Variants in TAF5L observed in about 807,000 individuals in gnomAD.
The protein encoded by TAF5L is TATA-box binding protein associated factor 5 like, also known as TAF5-like RNA polymerase II p300/CBP-associated factor-associated factor 65 kDa subunit 5L.
A neutral mutation model predicts 51.3 loss-of-function variants in TAF5L; 7 were observed. The observed-to-expected ratio is 0.14, with a 90% CI of 0.08 to 0.26. The LOEUF (loss-of-function observed/expected upper bound fraction) is 0.26, where lower values mean the gene tolerates loss of function less well. Among genes scored for constraint, TAF5L ranks in the 10% least tolerant of loss-of-function variants. The pLI, the probability that TAF5L is intolerant of heterozygous loss-of-function variation, is 1.00. For synonymous variants in TAF5L, 291 were observed against 308.1 expected, an observed-to-expected ratio of 0.94 and a Z score of 0.58; for missense variants, 575 against 758.9, an observed-to-expected ratio of 0.76 and a Z score of 2.85.
chr1:229,621,689 A>T (rs1361849749), intron 1 of TAF5L, among the ~76,000 whole-genome samples: 1 of 152,190 alleles, frequency 6.6e-6, no homozygotes, highest in Non-Finnish European at 1.5e-5. Flanking sequence ...ACTTTAATTT[A>T]AAAAAAGAGA....
At chr1:229,610,431 A>C (rs1664746156) in intron 2 of TAF5L, among the ~76,000 whole-genome samples, 1 of 152,256 alleles carries the variant, frequency 6.6e-6, no homozygotes, top group African/African-American at 2.4e-5. Flanking sequence ...AAGGCCAGGG[A>C]AGGAAAGGCA....
rs527535015 is a variant in TAF5L, at chr1:229,599,330, ACAATT to A, written c.972+2860_972+2864del. ...ATACTATATAATTCTTTCAAAGTGT[ACAATT>A]CAATGATTTTTAGTACATTCACAGA... is the stretch of plus-strand genomic sequence containing the variant. On this transcript the variant is annotated intron_variant, in intron 4 of 4. Coordinates refer to ENST00000258281, the Ensembl canonical transcript of TAF5L. 2.2e-3 allele frequency: 1,004 copies of A among 455,196 alleles called. 2 individuals carry two copies. The highest frequency in any genetic ancestry group is 2.7e-3 in the Non-Finnish European group (920 of 345,778). The allele number at this position is 455,196 out of a possible 1,614,324, so 28.2% of individuals were successfully genotyped here. A position where few individuals can be genotyped will look rare whatever the true frequency, so the allele number is the denominator to read the frequency against.
Position 229,602,496 on chromosome 1 carries a change from T to C in TAF5L, c.671A>G (p.Glu224Gly). The stretch of plus-strand genomic sequence containing the variant: ...AATAGGGCTGGGCATGTCGGGGGGC[T>C]CCAAACCGTTGTTCTCACTGCGGGA... Residue 224 changes from glutamate to glycine, a missense_variant, in exon 4 of 5, where the codon GAG becomes GGG. Glu to Gly is a moderately conservative substitution (Grantham distance 98). Coordinates refer to ENST00000258281, the Ensembl canonical transcript of TAF5L. The surrounding 1 kb of genome is among the most constrained non-coding windows in gnomAD (Gnocchi z 4.6). 2 of 1,614,032 alleles carry C rather than the reference T, an allele frequency of 1.2e-6. No individual in the cohort carries two copies. The highest frequency in any genetic ancestry group is 4.5e-5 in the East Asian group (2 of 44,884).
At chr1:229,618,817 C>T (rs931471834) in intron 1 of TAF5L, among the ~76,000 whole-genome samples, 6 of 152,126 alleles carry the variant, frequency 3.9e-5, no homozygotes, top group Non-Finnish European at 2.9e-5. Context: ...CACCCTCATC[C>T]ACCATATCAC....
chr1:229,609,846 C>T (rs1018263674), intron 3 of TAF5L, among the ~76,000 whole-genome samples: 4 of 152,250 alleles, frequency 2.6e-5, no homozygotes, highest in Non-Finnish European at 4.4e-5. Context: ...ACTTAAACCT[C>T]GTGATTGAAC....
intron 1 of TAF5L, among the ~76,000 whole-genome samples, chr1:229,617,008 C>G (rs1005376757): frequency 6.6e-6 from 1 of 152,168 alleles, no homozygotes; most frequent in Non-Finnish European, 1.5e-5. Context: ...TCTCTTCTCA[C>G]TATGAAATTT....
In TAF5L at chr1:229,598,704, T is replaced by C. The variant is rs113486303; in HGVS notation, c.972+3491A>G. Among the ~76,000 whole-genome samples the C allele has an allele frequency of 8.9e-5, 11 of 123,592 alleles. No individual in the cohort carries two copies. The South Asian group carries it at 2.2e-3, about 25-fold the overall frequency. The allele number at this position is 123,592 out of a possible 152,430, so 81.1% of individuals were successfully genotyped here. A position where few individuals can be genotyped will look rare whatever the true frequency, so the allele number is the denominator to read the frequency against. ...GTTGGATATCTCTTTTTTTTTTTTTTTTCTTTTTTTTTGAGACAGAATCTC... is the reference window on the plus strand; with the variant it reads ...GTTGGATATCTCTTTTTTTTTTTTTCTTCTTTTTTTTTGAGACAGAATCTC... On this transcript the variant is annotated intron_variant, in intron 4 of 4. Transcript: ENST00000258281.
At chr1:229,619,907 T>TA (rs954082218) in intron 1 of TAF5L, among the ~76,000 whole-genome samples, 32 of 152,134 alleles carry the variant, frequency 2.1e-4, no homozygotes, top group African/African-American at 7.7e-4. Flanking sequence ...ATGCAAGACT[T>TA]ACAGTCAGAC....
At chr1:229,607,333 G>T in intron 3 of TAF5L, 1 of 985,356 alleles carries the variant, frequency 1.0e-6, no homozygotes, top group Non-Finnish European at 1.2e-6. Flanking sequence ...TTAATTCACA[G>T]TCAGTCTCCC....
chr1:229,625,727 GC>G lies in TAF5L; in HGVS notation c.-4+157del, dbSNP rs1398287027. Among the ~76,000 whole-genome samples the G allele has an allele frequency of 1.9e-5, 2 of 104,152 alleles. No individual in the cohort carries two copies. The highest frequency in any genetic ancestry group is 4.0e-5 in the Non-Finnish European group (2 of 49,904). The allele number at this position is 104,152 out of a possible 152,430, so 68.3% of individuals were successfully genotyped here. ...TCGCGCCCGCGCAGAGCCGCCCGCC[GC>G]CCCCCAGCCCCGCCTCCCGCGCCCC... On this transcript the variant is annotated intron_variant, in intron 1 of 4. Coordinates refer to ENST00000258281, the Ensembl canonical transcript of TAF5L. This position sits in a 1 kb window ranked among gnomAD's most constrained non-coding sequence, Gnocchi z 4.0.
intron 1 of TAF5L, among the ~76,000 whole-genome samples, chr1:229,620,569 C>G (rs1822783): frequency 0.44 from 66,391 of 152,018 alleles, 15,024 homozygotes; most frequent in East Asian, 0.74. Flanking sequence ...TGAGGACAGG[C>G]CTTATCTTTG....
chr1:229,607,224 T>C (rs905795240), intron 3 of TAF5L: 1 of 985,302 alleles, frequency 1.0e-6, no homozygotes, highest in African/African-American at 1.7e-5. Context: ...GATTCCACCT[T>C]GGTAATTTAA....
intron 3 of TAF5L, chr1:229,606,543 A>T: frequency 1.0e-6 from 1 of 985,290 alleles, no homozygotes; most frequent in Non-Finnish European, 1.2e-6. Context: ...ATTCTCCTCT[A>T]CCTTTCTTCA....
At position 229,604,586 on chromosome 1, in the gene TAF5L, T is replaced by C. The variant is rs564120627; in HGVS notation, c.248-1667A>G. 3.3e-5 allele frequency among the ~76,000 whole-genome samples: 5 copies of C among 152,210 alleles called. 1 individual carries two copies. In the South Asian group the frequency reaches 1.0e-3, roughly 32 times the overall value. On this transcript the variant is annotated intron_variant, in intron 3 of 4. Coordinates refer to ENST00000258281, the Ensembl canonical transcript of TAF5L. ...GTATGTCTGGCTTAAGGAGATCCCT[T>C]AGGACATCTCTGTACCCTGCCCTGT...
rs1664847258 is a variant in TAF5L, at chr1:229,613,159, A to T, written c.142+1182T>A. On this transcript the variant is annotated intron_variant, in intron 2 of 4. Coordinates refer to ENST00000258281, the Ensembl canonical transcript of TAF5L. ...ATGGTAAGACCCCACCTCTAACAAG[A>T]ATAACAAGCAAAAAAAAAAAAAAAT... Among the ~76,000 whole-genome samples, 8 of 133,372 alleles carry T rather than the reference A, an allele frequency of 6.0e-5. 1 individual carries two copies. In the South Asian group the frequency reaches 2.1e-3, roughly 35 times the overall value. 87.5% of individuals were successfully genotyped at this position (133,372 alleles called of 152,430 possible). A position where few individuals can be genotyped will look rare whatever the true frequency, so the allele number is the denominator to read the frequency against.
At chr1:229,612,344 C>A (rs1664819341) in intron 2 of TAF5L, among the ~76,000 whole-genome samples, 1 of 152,212 alleles carries the variant, frequency 6.6e-6, no homozygotes, top group Non-Finnish European at 1.5e-5. Context: ...TTCATTCCTA[C>A]TTTCTATCAA....
chr1:229,598,846 C>A (rs957062423), intron 4 of TAF5L, among the ~76,000 whole-genome samples: 4 of 152,062 alleles, frequency 2.6e-5, no homozygotes, highest in African/African-American at 9.6e-5. Context: ...TTACAGGTGT[C>A]TGCCACCACG....
At position 229,594,436 on chromosome 1, in the gene TAF5L, C is replaced by T. The variant is rs375780944; in HGVS notation, c.1631G>A (p.Cys544Tyr). The change falls in exon 5 of 5, where the codon TGC (cysteine) becomes TAC (tyrosine). Residue 544 changes from cysteine to tyrosine, a missense_variant. By Grantham distance (194) the Cys-to-Tyr change is radical. Coordinates refer to ENST00000258281, the Ensembl canonical transcript of TAF5L. The surrounding 1 kb of genome is among the most constrained non-coding windows in gnomAD (Gnocchi z 7.9). ...GGAGGAGCCGTCGGCAGGTGCACTGCAGTAAGTGTTCCTGATGTCCCAGAC... is the reference window on the plus strand; with the variant it reads ...GGAGGAGCCGTCGGCAGGTGCACTGTAGTAAGTGTTCCTGATGTCCCAGAC... 5.0e-6 allele frequency: 8 copies of T among 1,614,054 alleles called. No individual in the cohort carries two copies. The highest frequency in any genetic ancestry group is 2.7e-5 in the African/African-American group (2 of 74,910).
chr1:229,605,128 A>ATATATATATATTTT (rs1340196774), intron 3 of TAF5L, among the ~76,000 whole-genome samples: 23 of 145,096 alleles, frequency 1.6e-4, no homozygotes, highest in African/African-American at 5.7e-4. Context: ...ATATATATGT[A>ATATATATATATTTT]TTTTTTTTTT....
Sources: gnomAD v4.1 joint callset for allele counts (sites outside exome capture counted in the v4.1 genomes callset) on GRCh38, gnomAD v4.1.1 for gene constraint, Gnocchi (gnomAD v3.1) non-coding constraint, MANE v1.5 for transcripts, NCBI Gene and HGNC (gene_info 2026-07-23, HGNC 2026-07-21) for gene names.